The following JAG2 variants were observed in gnomAD, a reference collection of about 807,000 sequenced individuals.
The protein encoded by JAG2 is jagged canonical Notch ligand 2, also known as protein jagged-2.
A neutral mutation model predicts 141.7 loss-of-function variants in JAG2; 46 were observed. The ratio of observed to expected loss-of-function variants is 0.32; its 90% CI spans 0.26 to 0.42. The LOEUF (loss-of-function observed/expected upper bound fraction) is 0.42, where lower values mean the gene tolerates loss of function less well. Among genes scored for constraint, JAG2 ranks in the 10% least tolerant of loss-of-function variants. The pLI is 1.00. For synonymous variants in JAG2, 862 were observed against 763.5 expected (o/e 1.13, Z -2.13); for missense variants, 1,500 against 1,817.5 (o/e 0.83, Z 3.18).
At chr14:105,157,301 C>T (rs2140986601) in intron 3 of JAG2, among the ~76,000 whole-genome samples, 1 of 152,230 alleles carries the variant, frequency 6.6e-6, no homozygotes, top group South Asian at 2.1e-4. Context: ...TCTGCATTCA[C>T]CCATGGAAGT....
intron 12 of JAG2, among the ~76,000 whole-genome samples, chr14:105,149,584 C>G (rs1888348057): frequency 1.3e-5 from 2 of 151,900 alleles, no homozygotes; most frequent in South Asian, 4.2e-4. Context: ...GTGGCCTTGG[C>G]CCCTGCTGCT....
rs761428165 is a variant in JAG2 at position 105,144,963 on chromosome 14, C to T, written c.3051G>A (p.Ala1017=). Residue 1017 remains alanine, a synonymous_variant, in exon 24 of 26, where the codon GCG becomes GCA. Coordinates refer to ENST00000331782, the MANE Select transcript of JAG2 (RefSeq NM_002226.5). ...CCTCCACAGCACTGGCCCCCGAGGA[C>T]GCCCGGTCGCAAAGCAACACCAGCA... ...DRLLVLLCDR[A]SSGASAVEVA... is the part of the protein sequence containing the mutation. 15 of 1,604,342 alleles carry T rather than the reference C, an allele frequency of 9.3e-6. No homozygotes were observed. Among genetic ancestry groups the T allele is most frequent in the East Asian group, 2.2e-5 (1 of 44,752 alleles).
At position 105,146,334 on chromosome 14, in the gene JAG2, C is replaced by A. The variant is rs373228094; in HGVS notation, c.2709+51G>T. 4.1e-6 allele frequency: 6 copies of A among 1,466,680 alleles called. No individual in the cohort carries two copies. In the African/African-American group the frequency reaches 8.3e-5, roughly 20 times the overall value. 90.9% of individuals were successfully genotyped at this position (1,466,680 alleles called of 1,614,324 possible). A position where few individuals can be genotyped will look rare whatever the true frequency, so the allele number is the denominator to read the frequency against. On this transcript the variant is annotated intron_variant, in intron 22 of 25. Coordinates refer to ENST00000331782, the MANE Select transcript of JAG2 (RefSeq NM_002226.5). ...CCTGATCTCACAGAGTGGCCAGGGTCAGCGTGCACCAGCCTCGGGTAGGGC... is the reference window on the plus strand; with the variant it reads ...CCTGATCTCACAGAGTGGCCAGGGTAAGCGTGCACCAGCCTCGGGTAGGGC...
At chr14:105,149,850 T>G (rs1595177272) in intron 12 of JAG2, among the ~76,000 whole-genome samples, 1 of 60,612 alleles carries the variant, frequency 1.6e-5, no homozygotes, top group Non-Finnish European at 3.2e-5. Flanking sequence ...GGGGAGGGGG[T>G]GGTAGGGAGG....
intron 5 of JAG2, among the ~76,000 whole-genome samples, 184 bp downstream of exon 5, chr14:105,155,378 C>T (rs1224442687): frequency 1.3e-5 from 2 of 152,188 alleles, no homozygotes; most frequent in Non-Finnish European, 2.9e-5. Context: ...CCATCAGACA[C>T]ATCCCATGCT....
At chr14:105,168,316 C>A in intron 1 of JAG2, 39 bp downstream of exon 1, 1 of 741,138 alleles carries the variant, frequency 1.3e-6, no homozygotes, top group South Asian at 4.0e-5. Flanking sequence ...CCCGGTGTGC[C>A]CCGTCCGCGA....
chr14:105,143,095 G>T lies in JAG2; in HGVS notation c.3317C>A (p.Thr1106Lys), dbSNP rs1286798865. ...CTCCCGCTCTTTCCTGCGCTTGCGT[G>T]TCCACCACACGCACAGGACCACGCA... ...LACVVLCVWW[T>K]RKRRKERERS... is the part of the protein sequence containing the mutation. Residue 1106 changes from threonine to lysine, a missense_variant, in exon 26 of 26, where the codon ACA (threonine) becomes AAA (lysine). Thr to Lys is a moderately conservative substitution (Grantham distance 78). Transcript: ENST00000331782. The T allele has an allele frequency of 6.3e-7, 1 of 1,599,832 alleles. No homozygotes were observed. Among genetic ancestry groups the T allele is most frequent in the East Asian group, 2.2e-5 (1 of 44,874 alleles).
chr14:105,161,975 G>A (rs146502580), intron 2 of JAG2, among the ~76,000 whole-genome samples: 6 of 152,330 alleles, frequency 3.9e-5, no homozygotes, highest in Non-Finnish European at 7.3e-5. Context: ...AACACAGGAG[G>A]GACTATAGGG....
chr14:105,144,844 G>A (rs1359033347), intron 24 of JAG2, 86 bp downstream of exon 24: 15 of 1,524,822 alleles, frequency 9.8e-6, no homozygotes, highest in African/African-American at 1.4e-5. Flanking sequence ...GACTAGCCTC[G>A]CCAGAGCCTC....
chr14:105,158,388 C>G (rs375941020), intron 2 of JAG2, among the ~76,000 whole-genome samples: 1 of 152,158 alleles, frequency 6.6e-6, no homozygotes, highest in Non-Finnish European at 1.5e-5. Context: ...GGGGCCCTTG[C>G]GGTACAGTTG....
At chr14:105,149,111 G>A (rs1263935190) in intron 13 of JAG2, 22 bp from the exon 14 acceptor site, 5 of 1,602,420 alleles carry the variant, frequency 3.1e-6, no homozygotes, top group East Asian at 2.3e-5. Context: ...AGTACAGTCA[G>A]GAGTCAGGCC....
Position 105,167,672 on chromosome 14 carries a change from C to T in JAG2, c.417+85G>A. ...CGCGGCTCGCACGCAGACCCGGCCG[C>T]AGGTGTTGGGGGTCGCGAAGCGCGC... is the stretch of plus-strand genomic sequence containing the variant. On this transcript the variant is annotated intron_variant, in intron 2 of 25. Transcript: ENST00000331782. The surrounding 1 kb of genome is among the most constrained non-coding windows in gnomAD (Gnocchi z 4.8). 3.2e-6 allele frequency: 4 copies of T among 1,259,030 alleles called. No individual in the cohort carries two copies. The highest frequency in any genetic ancestry group is 4.0e-6 in the Non-Finnish European group (4 of 1,004,110). 78.0% of individuals were successfully genotyped at this position (1,259,030 alleles called of 1,614,324 possible).
In JAG2 at chr14:105,149,329, T is replaced by TG. The variant is rs1370164555; in HGVS notation, c.1603-10dup. The TG allele has an allele frequency of 8.7e-6, 14 of 1,612,302 alleles. No homozygotes were observed. The highest frequency in any genetic ancestry group is 1.1e-5 in the South Asian group (1 of 91,094). On this transcript the variant is annotated splice_polypyrimidine_tract_variant and intron_variant, in intron 12 of 25. Coordinates refer to ENST00000331782, the MANE Select transcript of JAG2 (RefSeq NM_002226.5). ...CAAAGGTCGACATCCACCTGCAGGG[T>TG]GGGGGGTGCCTGTGAGAGCCTAGGC...
chr14:105,146,911 C>A, intron 20 of JAG2, 187 bp from the exon 21 acceptor site: 1 of 669,704 alleles, frequency 1.5e-6, no homozygotes, highest in Non-Finnish European at 2.7e-6. Flanking sequence ...TGACCCTGGC[C>A]CAACAGCACC....
intron 23 of JAG2, 47 bp from the exon 24 acceptor site, chr14:105,145,108 G>C (rs752555672): frequency 5.4e-5 from 86 of 1,604,474 alleles, no homozygotes; most frequent in Non-Finnish European, 3.9e-5. Context: ...CCGTGAACCT[G>C]ACACCTACAT....
intron 2 of JAG2, among the ~76,000 whole-genome samples, chr14:105,162,184 T>G (rs1245893752): frequency 6.6e-6 from 1 of 151,966 alleles, no homozygotes; most frequent in East Asian, 1.9e-4. Context: ...AAGGCCAGCC[T>G]AGCAGGGCTA....
At chr14:105,159,467 G>A (rs1888668164) in intron 2 of JAG2, among the ~76,000 whole-genome samples, 2 of 151,920 alleles carry the variant, frequency 1.3e-5, no homozygotes, top group Admixed American at 1.3e-4. Flanking sequence ...CCCATCTCCA[G>A]GGCTCCCTGA....
intron 2 of JAG2, among the ~76,000 whole-genome samples, chr14:105,160,452 C>T (rs1244787877): frequency 6.6e-6 from 1 of 150,996 alleles, no homozygotes; most frequent in Non-Finnish European, 1.5e-5. Context: ...TTCCTTCGTT[C>T]CTTCCTTCCT....
At position 105,148,900 on chromosome 14, in the gene JAG2, C is replaced by T. The variant is rs372133737; in HGVS notation, c.1906+37G>A. The T allele has an allele frequency of 5.0e-6, 8 of 1,594,436 alleles. No individual in the cohort carries two copies. In the African/African-American group the frequency reaches 6.7e-5, roughly 13 times the overall value. On this transcript the variant is annotated intron_variant, in intron 14 of 25. Transcript: ENST00000331782. ...GGTGAGCCAGGGCCTCAGGCCAGCCCAGCCCCACCACCAGCCCGCCGTTCG... is the reference window on the plus strand; with the variant it reads ...GGTGAGCCAGGGCCTCAGGCCAGCCTAGCCCCACCACCAGCCCGCCGTTCG...
Sources: gnomAD v4.1 joint callset for allele counts (sites outside exome capture counted in the v4.1 genomes callset) on GRCh38, gnomAD v4.1.1 for gene constraint, Gnocchi (gnomAD v3.1) non-coding constraint, MANE v1.5 for transcripts, NCBI Gene and HGNC (gene_info 2026-07-23, HGNC 2026-07-21) for gene names.